Variants in ZNG1A observed in about 807,000 individuals in gnomAD.
ZNG1A encodes the protein Zn regulated GTPase metalloprotein activator 1A.
the ZNG1A span, among the ~76,000 whole-genome samples, chr9:165,299 C>G: frequency 2.0e-4 from 31 of 151,422 alleles, no homozygotes; most frequent in African/African-American, 6.8e-4. Flanking sequence ...ATACATAAAT[C>G]ATTTTGTAAT....
the ZNG1A span, chr9:153,853 T>A: frequency 6.6e-6 from 1 of 151,584 alleles, no homozygotes; most frequent in Non-Finnish European, 1.5e-5. Flanking sequence ...ATACTAAGAA[T>A]AGTAATTTTG....
chr9:147,463 G>A, the ZNG1A span: 12 of 116,564 alleles, frequency 1.0e-4, no homozygotes, highest in Middle Eastern at 3.7e-3. Flanking sequence ...TCACATACTC[G>A]TACTCGTGGC....
the ZNG1A span, chr9:147,677 C>G: frequency 6.7e-6 from 1 of 149,304 alleles, no homozygotes; most frequent in Non-Finnish European, 1.5e-5. Flanking sequence ...CACTAAAAGG[C>G]CAAAGTCTTA....
chr9:166,675 T>C, the ZNG1A span: 1 of 152,480 alleles, frequency 6.6e-6, no homozygotes, highest in Non-Finnish European at 1.5e-5. Flanking sequence ...AGAAGCAGAA[T>C]AAGATGAAAA....
the ZNG1A span, among the ~76,000 whole-genome samples, chr9:138,786 C>T: frequency 6.7e-6 from 1 of 148,794 alleles, no homozygotes; most frequent in Non-Finnish European, 1.5e-5. Flanking sequence ...TGCCTGTGGT[C>T]CCAGCTTCTT....
the ZNG1A span, chr9:149,585 T>A: frequency 6.7e-6 from 1 of 149,918 alleles, no homozygotes; most frequent in Non-Finnish European, 1.5e-5. Context: ...AAAATTCTTG[T>A]ATTAATATTA....
the ZNG1A span, chr9:173,404 C>G: frequency 8.1e-5 from 130 of 1,603,784 alleles, 19 homozygotes; most frequent in African/African-American, 1.7e-3. Context: ...TAGCTTATGT[C>G]CATTAGCCAA....
the ZNG1A span, among the ~76,000 whole-genome samples, chr9:159,455 T>C: frequency 2.6e-5 from 4 of 152,264 alleles, no homozygotes; most frequent in East Asian, 1.9e-4. Context: ...CTCAAAAAAA[T>C]AGCAATGTGA....
At chr9:164,284 C>T in the ZNG1A span, 1 of 429,866 alleles carries the variant, frequency 2.3e-6, no homozygotes, top group South Asian at 3.1e-5. Flanking sequence ...CCAATTCTAA[C>T]CACATATAAA....
At chr9:175,854 A>C in the ZNG1A span, 4 of 1,056,846 alleles carry the variant, frequency 3.8e-6, no homozygotes, top group Non-Finnish European at 5.4e-6. Flanking sequence ...CATATAAAGA[A>C]TCCTAACGTT....
the ZNG1A span, among the ~76,000 whole-genome samples, chr9:178,424 A>C: frequency 2.8e-4 from 40 of 142,868 alleles, 1 homozygote; most frequent in African/African-American, 9.4e-4. Context: ...ACATCCTTTA[A>C]TGGCAACAGG....
the ZNG1A span, among the ~76,000 whole-genome samples, chr9:145,246 C>G: frequency 6.6e-6 from 1 of 151,584 alleles, no homozygotes; most frequent in Non-Finnish European, 1.5e-5. Context: ...GACACATGCA[C>G]ACGTATATTT....
chr9:146,309 A>G, the ZNG1A span: 31 of 653,050 alleles, frequency 4.7e-5, no homozygotes, highest in Non-Finnish European at 7.0e-5. Flanking sequence ...TTGAATCAAG[A>G]TTGAAAATTA....
chr9:174,351 G>C, the ZNG1A span, among the ~76,000 whole-genome samples: 2 of 151,956 alleles, frequency 1.3e-5, no homozygotes, highest in African/African-American at 2.4e-5. Flanking sequence ...AAATCGAGTA[G>C]TTTTACACTT....
the ZNG1A span, among the ~76,000 whole-genome samples, chr9:127,617 G>C: frequency 6.6e-6 from 1 of 152,156 alleles, no homozygotes; most frequent in African/African-American, 2.4e-5. Flanking sequence ...GTTGGTTGGT[G>C]AATTCTTACC....
At chr9:149,950 C>A in the ZNG1A span, among the ~76,000 whole-genome samples, 1 of 148,738 alleles carries the variant, frequency 6.7e-6, no homozygotes, top group Non-Finnish European at 1.5e-5. Flanking sequence ...ACACACTATT[C>A]CTTTTCCTTA....
chr9:146,493 A>T, the ZNG1A span: 1 of 224,916 alleles, frequency 4.4e-6, no homozygotes, highest in African/African-American at 2.5e-5. Context: ...TGACAAATAG[A>T]ATTAACAAAT....
At chr9:161,968 C>T in the ZNG1A span, among the ~76,000 whole-genome samples, 5,124 of 145,974 alleles carry the variant, frequency 0.035, 98 homozygotes, top group African/African-American at 0.062. Context: ...CATAGGTAAA[C>T]GGGTGCCATG....
chr9:175,855 T>C, the ZNG1A span: 5 of 1,068,358 alleles, frequency 4.7e-6, 1 homozygote, highest in Admixed American at 1.1e-4. Flanking sequence ...ATATAAAGAA[T>C]CCTAACGTTT....
Sources: gnomAD v4.1 joint callset for allele counts (sites outside exome capture counted in the v4.1 genomes callset) on GRCh38, gnomAD v4.1.1 for gene constraint, MANE v1.5 for transcripts, NCBI Gene and HGNC (gene_info 2026-07-23, HGNC 2026-07-21) for gene names.